Variants in CNTN6 observed in about 807,000 individuals in gnomAD.
CNTN6 encodes contactin-6.
Under a neutral mutation model 122.8 loss-of-function variants are expected in CNTN6, and 137 were observed. The observed-to-expected ratio is 1.12, with a 90% CI of 0.97 to 1.29. The LOEUF is 1.29. CNTN6 is among the 50% of genes most tolerant of loss of function. CNTN6 has a pLI of 0.00. For synonymous variants in CNTN6, 570 were observed against 426.0 expected (o/e 1.34, Z -4.16); for missense variants, 1,634 against 1,223.4 (o/e 1.34, Z -5.01).
intron 16 of CNTN6, 104 bp downstream of exon 16, chr3:1,374,177 T>A: frequency 1.6e-6 from 2 of 1,232,254 alleles, no homozygotes; most frequent in Non-Finnish European, 2.2e-6. Flanking sequence ...TGGCTCAAAA[T>A]TGTTTGGCAG....
intron 1 of CNTN6, among the ~76,000 whole-genome samples, chr3:1,120,726 A>G (rs1276933092): frequency 2.0e-5 from 3 of 151,838 alleles, no homozygotes; most frequent in African/African-American, 4.8e-5. Context: ...ATTTTCTCCT[A>G]TGTTTCCTTC....
At chr3:1,371,296 TAGA>T (rs1404714142) in intron 12 of CNTN6, among the ~76,000 whole-genome samples, 1 of 152,054 alleles carries the variant, frequency 6.6e-6, no homozygotes, top group Non-Finnish European at 1.5e-5. Flanking sequence ...CATGGAGAAA[TAGA>T]TTCTCCATGG....
At chr3:1,237,269 C>T (rs1260135710) in intron 4 of CNTN6, among the ~76,000 whole-genome samples, 4 of 151,822 alleles carry the variant, frequency 2.6e-5, no homozygotes. Flanking sequence ...GCAATAGAAT[C>T]AAACAAGCAG....
At chr3:1,197,830 T>C (rs1286819331) in intron 2 of CNTN6, among the ~76,000 whole-genome samples, 2 of 152,242 alleles carry the variant, frequency 1.3e-5, no homozygotes, top group Non-Finnish European at 2.9e-5. Context: ...TTTTATAAAC[T>C]ATCTCAAAGT....
rs1317563261 is a variant in CNTN6, at chr3:1,372,886, G to A, written c.1717G>A (p.Gly573Arg). 1 of 1,610,306 alleles carries A rather than the reference G, an allele frequency of 6.2e-7. No homozygotes were observed. The highest frequency in any genetic ancestry group is 8.5e-7 in the Non-Finnish European group (1 of 1,177,768). Reference sequence around the variant, plus strand: ...AAGGAATATTCAGTTACATCATTCAGGAAAATATCTCTGCACAGTACAAAC... The same window carrying A: ...AAGGAATATTCAGTTACATCATTCAAGAAAATATCTCTGCACAGTACAAAC... ...MIRNIQLHHS[G>R]KYLCTVQTTL... Residue 573 changes from glycine to arginine, a missense_variant, in exon 14 of 23, where the codon GGA becomes AGA. Physicochemically the swap from Gly to Arg is moderately radical, Grantham distance 125. Transcript: ENST00000446702.
chr3:1,126,829 G>A (rs1239911387), intron 1 of CNTN6, among the ~76,000 whole-genome samples: 4 of 151,710 alleles, frequency 2.6e-5, no homozygotes, highest in South Asian at 2.1e-4. Flanking sequence ...ACATCACCAA[G>A]GAACTTCCTA....
At chr3:1,188,172 G>A (rs1294926709) in intron 2 of CNTN6, among the ~76,000 whole-genome samples, 1 of 152,114 alleles carries the variant, frequency 6.6e-6, no homozygotes, top group East Asian at 1.9e-4. Context: ...CCCACCTCAA[G>A]GGTAGAGAGG....
At chr3:1,305,345 T>A (rs1698185942) in intron 7 of CNTN6, among the ~76,000 whole-genome samples, 1 of 152,194 alleles carries the variant, frequency 6.6e-6, no homozygotes, top group African/African-American at 2.4e-5. Context: ...TGTCTTAACT[T>A]TAATTGCTAT....
chr3:1,164,647 T>G (rs1411264416), intron 2 of CNTN6, among the ~76,000 whole-genome samples: 1 of 152,232 alleles, frequency 6.6e-6, no homozygotes, highest in Non-Finnish European at 1.5e-5. Context: ...GAAGAAATTC[T>G]TGACATATAT....
At chr3:1,198,228 A>T (rs1320942774) in intron 2 of CNTN6, among the ~76,000 whole-genome samples, 2 of 152,228 alleles carry the variant, frequency 1.3e-5, no homozygotes, top group Non-Finnish European at 2.9e-5. Flanking sequence ...ACCAAAAAAA[A>T]TATTCTTCAT....
intron 12 of CNTN6, among the ~76,000 whole-genome samples, chr3:1,367,018 T>C (rs1009365567): frequency 2.0e-5 from 3 of 152,202 alleles, no homozygotes; most frequent in Non-Finnish European, 4.4e-5. Flanking sequence ...AAAAATGCAT[T>C]TCTAAAATTT....
At chr3:1,388,203 A>G (rs1421668013) in intron 20 of CNTN6, among the ~76,000 whole-genome samples, 7 of 150,320 alleles carry the variant, frequency 4.7e-5, no homozygotes, top group East Asian at 2.0e-4. Flanking sequence ...CCCAGCATGC[A>G]GCTGGAGATC....
chr3:1,387,805 G>C (rs555544531), intron 20 of CNTN6, among the ~76,000 whole-genome samples: 1 of 152,162 alleles, frequency 6.6e-6, no homozygotes, highest in African/African-American at 2.4e-5. Flanking sequence ...GGTGACGGAC[G>C]CACCTGGAAA....
intron 2 of CNTN6, among the ~76,000 whole-genome samples, chr3:1,172,085 G>A (rs1370107980): frequency 6.6e-6 from 1 of 152,102 alleles, no homozygotes; most frequent in Non-Finnish European, 1.5e-5. Context: ...GGAGGTGACA[G>A]ACAATTCAGG....
intron 2 of CNTN6, among the ~76,000 whole-genome samples, chr3:1,210,593 AC>A (rs1331178924): frequency 1.3e-5 from 2 of 152,170 alleles, no homozygotes; most frequent in Non-Finnish European, 2.9e-5. Flanking sequence ...CTTTTATAGT[AC>A]TGAAAGTATG....
At chr3:1,320,649 A>G (rs1421963587) in intron 7 of CNTN6, among the ~76,000 whole-genome samples, 6 of 151,778 alleles carry the variant, frequency 4.0e-5, no homozygotes, top group African/African-American at 1.2e-4. Context: ...CTATAAGGGA[A>G]TGAAGAATGA....
chr3:1,401,504 G>A lies in CNTN6; in HGVS notation c.2776G>A (p.Val926Ile), dbSNP rs979602678. 1.9e-6 allele frequency: 3 copies of A among 1,611,788 alleles called. No individual in the cohort carries two copies. The highest frequency in any genetic ancestry group is 2.2e-5 in the East Asian group (1 of 44,796). ...TAAATTATGCTTGAACTGGGAGCAT[G>A]TAAAAACCATGGAAAATGAGTCTGA... ...NSKLCLNWEHVKTMENESEVL... is the reference protein window; with the variant it reads ...NSKLCLNWEHIKTMENESEVL... The change falls in exon 21 of 23, where the codon GTA becomes ATA. Residue 926 changes from valine to isoleucine, a missense_variant. Transcript: ENST00000446702.
intron 17 of CNTN6, among the ~76,000 whole-genome samples, chr3:1,378,273 C>T (rs1383956497): frequency 1.3e-5 from 2 of 152,194 alleles, no homozygotes; most frequent in African/African-American, 2.4e-5. Flanking sequence ...CTCTTCCCCA[C>T]TTTAAATTTC....
intron 19 of CNTN6, among the ~76,000 whole-genome samples, chr3:1,384,325 T>G (rs1692417160): frequency 1.3e-5 from 2 of 152,076 alleles, no homozygotes; most frequent in South Asian, 4.1e-4. Flanking sequence ...AGTCTGCTCC[T>G]CAATCATCTT....
Sources: allele counts gnomAD v4.1 joint callset (sites outside exome capture counted in the v4.1 genomes callset), GRCh38; gene constraint gnomAD v4.1.1; transcripts MANE v1.5; gene names NCBI Gene and HGNC (gene_info 2026-07-23, HGNC 2026-07-21).